Variants in PIEZO2 observed in about 807,000 individuals in gnomAD.
PIEZO2 encodes piezo-type mechanosensitive ion channel component 2.
A neutral mutation model predicts 337.3 loss-of-function variants in PIEZO2; 172 were observed. That is an observed-to-expected ratio of 0.51 (90% CI 0.45 to 0.58). The LOEUF (loss-of-function observed/expected upper bound fraction) is 0.58, where lower values mean the gene tolerates loss of function less well. Ranked by LOEUF, PIEZO2 falls within the 20% of genes least tolerant of loss-of-function variation. PIEZO2 has a pLI of 0.00. For synonymous variants in PIEZO2, 1,251 were observed against 1,228.5 expected (o/e 1.02, Z -0.38); for missense variants, 3,028 against 3,391.3 (o/e 0.89, Z 2.66).
intron 3 of PIEZO2, among the ~76,000 whole-genome samples, chr18:10,925,585 A>T (rs555868065): frequency 2.4e-4 from 36 of 151,958 alleles, no homozygotes; most frequent in East Asian, 9.7e-4. Context: ...GTGAAAAAAA[A>T]TTTTTTTTTT....
intron 36 of PIEZO2, among the ~76,000 whole-genome samples, chr18:10,731,129 CT>C (rs1339802067): frequency 7.3e-6 from 1 of 136,120 alleles, no homozygotes; most frequent in Non-Finnish European, 1.6e-5. Flanking sequence ...TTTTCTTCTA[CT>C]TTTTTTGGGT....
chr18:10,809,518 T>A (rs1164059384), intron 7 of PIEZO2, among the ~76,000 whole-genome samples: 3 of 151,762 alleles, frequency 2.0e-5, no homozygotes, highest in African/African-American at 7.3e-5. Context: ...TCCGCCCACC[T>A]TGGCCTCCCA....
rs2040958877 is a variant in PIEZO2 at position 10,834,894 on chromosome 18, G to A, written c.917+20459C>T. On this transcript the variant is annotated intron_variant, in intron 7 of 55. Coordinates refer to ENST00000674853, the MANE Select transcript of PIEZO2 (RefSeq NM_001378183.1). The surrounding 1 kb of genome is among the most constrained non-coding windows in gnomAD (Gnocchi z 4.5). ...CACAAGGGCGTGATCATAAGCTTTT[G>A]TTTTGTTTGTGTCCTCCAAAATTCT... Among the ~76,000 whole-genome samples the A allele has an allele frequency of 6.6e-6, 1 of 152,184 alleles. No homozygotes were observed. The highest frequency in any genetic ancestry group is 1.5e-5 in the Non-Finnish European group (1 of 68,022).
Position 11,083,889 on chromosome 18 carries a change from GGA to G in PIEZO2, c.65-17669_65-17668del. On this transcript the variant is annotated intron_variant, in intron 1 of 55. Transcript: ENST00000674853. The surrounding 1 kb of genome is among the most constrained non-coding windows in gnomAD (Gnocchi z 4.4). ...AATCGATCAATTCAATTAAGAGAAA[GGA>G]GAGGGCCGGGAGTGGGGGCTCATGC... 6.6e-6 allele frequency among the ~76,000 whole-genome samples: 1 copy of G among 152,272 alleles called. No homozygotes were observed. The highest frequency in any genetic ancestry group is 2.1e-4 in the South Asian group (1 of 4,814).
At chr18:11,093,287 T>A (rs1568367516) in intron 1 of PIEZO2, among the ~76,000 whole-genome samples, 1 of 152,216 alleles carries the variant, frequency 6.6e-6, no homozygotes. Context: ...ACACCCTACA[T>A]GGCAAACCCT....
At chr18:11,135,037 GCA>G (rs758720995) in intron 1 of PIEZO2, among the ~76,000 whole-genome samples, 5 of 89,734 alleles carry the variant, frequency 5.6e-5, no homozygotes, top group African/African-American at 1.7e-4. Context: ...AATTAAGTAA[GCA>G]AAAAAAAAAA....
At chr18:10,801,809 C>T (rs914052372) in intron 9 of PIEZO2, among the ~76,000 whole-genome samples, 6 of 152,128 alleles carry the variant, frequency 3.9e-5, no homozygotes, top group South Asian at 2.1e-4. Flanking sequence ...AAATTGGGCT[C>T]GGCGCGGTAG....
rs1388325562 is a variant in PIEZO2 at position 10,888,145 on chromosome 18, T to C, written c.330-16730A>G. ...CCCTAAATATGAATTGGTATTTGGCTGCAAGTAAGCACTTGCAAGTAAGCA... is the reference window on the plus strand; with the variant it reads ...CCCTAAATATGAATTGGTATTTGGCCGCAAGTAAGCACTTGCAAGTAAGCA... On this transcript the variant is annotated intron_variant, in intron 4 of 55. Coordinates refer to ENST00000674853, the MANE Select transcript of PIEZO2 (RefSeq NM_001378183.1). This position sits in a 1 kb window ranked among gnomAD's most constrained non-coding sequence, Gnocchi z 4.1. Among the ~76,000 whole-genome samples, 1 of 152,158 alleles carries C rather than the reference T, an allele frequency of 6.6e-6. No homozygotes were observed. Among genetic ancestry groups the C allele is most frequent in the Non-Finnish European group, 1.5e-5 (1 of 68,040 alleles).
intron 17 of PIEZO2, among the ~76,000 whole-genome samples, chr18:10,782,421 ATATATAAATAAT>A (rs2039054576): frequency 1.6e-5 from 1 of 63,774 alleles, no homozygotes; most frequent in Non-Finnish European, 3.5e-5. Context: ...TATTATAATT[ATATATAAATAAT>A]TATATAATAT....
chr18:10,913,741 C>A (rs1398315247), intron 3 of PIEZO2, among the ~76,000 whole-genome samples: 2 of 152,046 alleles, frequency 1.3e-5, no homozygotes, highest in Admixed American at 1.3e-4. Context: ...ATGCAAGACA[C>A]TCAGTACTCC....
chr18:10,934,712 T>C (rs183796610), intron 3 of PIEZO2, among the ~76,000 whole-genome samples: 36 of 147,754 alleles, frequency 2.4e-4, no homozygotes, highest in African/African-American at 8.5e-4. Flanking sequence ...CAAGAGCACC[T>C]AACCTAAGCC....
chr18:10,788,968 A>G (rs1374088884), intron 15 of PIEZO2, 111 bp downstream of exon 15: 1 of 1,221,872 alleles, frequency 8.2e-7, no homozygotes, highest in African/African-American at 1.5e-5. Context: ...AATCTTGCCA[A>G]TCACTTTATC....
intron 2 of PIEZO2, among the ~76,000 whole-genome samples, chr18:11,011,209 A>T (rs1567156): frequency 0.29 from 43,412 of 152,050 alleles, 6,791 homozygotes; most frequent in Non-Finnish European, 0.36. Flanking sequence ...TTCTTTCCTT[A>T]TTCAGTCATC....
intron 3 of PIEZO2, among the ~76,000 whole-genome samples, chr18:10,974,704 G>A (rs2034373947): frequency 6.6e-6 from 1 of 152,166 alleles, no homozygotes; most frequent in East Asian, 1.9e-4. Context: ...TCTAGAGCCC[G>A]TTTCTTCATT....
rs1359344200 is a variant in PIEZO2, at chr18:11,031,717, C to T, written c.160+34410G>A. On this transcript the variant is annotated intron_variant, in intron 2 of 55. Coordinates refer to ENST00000674853, the MANE Select transcript of PIEZO2 (RefSeq NM_001378183.1). This position sits in a 1 kb window ranked among gnomAD's most constrained non-coding sequence, Gnocchi z 4.7. ...GAGCCAGATATAACCCTTGGTTGCT[C>T]TTGGTACGACTTACCCTTGGTTGTA... Among the ~76,000 whole-genome samples, 2 of 152,272 alleles carry T rather than the reference C, an allele frequency of 1.3e-5. No homozygotes were observed. The highest frequency in any genetic ancestry group is 1.3e-4 in the Admixed American group (2 of 15,302).
intron 2 of PIEZO2, among the ~76,000 whole-genome samples, chr18:11,024,697 A>G (rs957228033): frequency 1.1e-4 from 17 of 151,924 alleles, no homozygotes; most frequent in African/African-American, 1.5e-4. Flanking sequence ...CTGGAGTGCA[A>G]TGGTGCAATC....
chr18:10,758,254 AAG>A, intron 26 of PIEZO2, 120 bp from the exon 27 acceptor site: 1 of 1,166,478 alleles, frequency 8.6e-7, no homozygotes, highest in Admixed American at 2.7e-5. Flanking sequence ...TGTGTTCCCA[AAG>A]TTCATAGTAA....
At chr18:10,866,502 G>T (rs1212415807) in intron 5 of PIEZO2, among the ~76,000 whole-genome samples, 2 of 152,124 alleles carry the variant, frequency 1.3e-5, no homozygotes, top group African/African-American at 2.4e-5. Flanking sequence ...AGCCAGGATG[G>T]TCTCAATATC....
intron 1 of PIEZO2, among the ~76,000 whole-genome samples, chr18:11,144,235 G>A (rs1393775387): frequency 6.6e-6 from 1 of 152,214 alleles, no homozygotes; most frequent in East Asian, 1.9e-4. Flanking sequence ...GCCCGTCTGT[G>A]TGGATGAAAT....
Sources: allele counts gnomAD v4.1 joint callset (sites outside exome capture counted in the v4.1 genomes callset), GRCh38; gene constraint gnomAD v4.1.1; non-coding constraint Gnocchi (gnomAD v3.1); transcripts MANE v1.5; gene names NCBI Gene and HGNC (gene_info 2026-07-23, HGNC 2026-07-21).